Variants in STX18 observed in about 807,000 individuals in gnomAD.
STX18 encodes syntaxin-18.
Under a neutral mutation model 50.1 loss-of-function variants are expected in STX18, and 40 were observed. The ratio of observed to expected loss-of-function variants is 0.80; its 90% CI spans 0.62 to 1.04. The LOEUF is 1.04. Ranked by LOEUF, STX18 falls within the 50% of genes least tolerant of loss-of-function variation. The probability of loss-of-function intolerance (pLI) is 0.00; values close to 1 mark genes in which losing one functional copy is unlikely to be tolerated. For synonymous variants in STX18, 158 were observed against 151.8 expected, an observed-to-expected ratio of 1.04 and a Z score of -0.30; for missense variants, 410 against 415.8, an observed-to-expected ratio of 0.99 and a Z score of 0.12.
At chr4:4,434,643 C>T in intron 7 of STX18, 127 bp downstream of exon 7, 1 of 693,074 alleles carries the variant, frequency 1.4e-6, no homozygotes, top group Non-Finnish European at 2.3e-6. Flanking sequence ...ATATAAAATA[C>T]ACATTTATAA....
intron 1 of STX18, among the ~76,000 whole-genome samples, chr4:4,480,348 C>T (rs1258457804): frequency 6.6e-6 from 1 of 152,158 alleles, no homozygotes; most frequent in Non-Finnish European, 1.5e-5. Flanking sequence ...GCCCAAGGCC[C>T]GCCAGTGCCC....
intron 1 of STX18, among the ~76,000 whole-genome samples, chr4:4,491,737 T>C (rs1251209395): frequency 2.0e-5 from 3 of 152,134 alleles, no homozygotes. Context: ...TTCTAAAGAC[T>C]GAAATGTGCC....
intron 1 of STX18, among the ~76,000 whole-genome samples, chr4:4,525,422 A>G (rs1271814950): frequency 6.6e-6 from 1 of 152,248 alleles, no homozygotes; most frequent in Non-Finnish European, 1.5e-5. Flanking sequence ...ATGGCTTTTA[A>G]AAGATGGAAA....
chr4:4,424,336 G>T (rs2108771396), intron 8 of STX18, among the ~76,000 whole-genome samples: 1 of 152,234 alleles, frequency 6.6e-6, no homozygotes, highest in African/African-American at 2.4e-5. Context: ...TGAGCTCCTG[G>T]CCAGGTGGAA....
intron 1 of STX18, among the ~76,000 whole-genome samples, chr4:4,488,189 T>C (rs112958898): frequency 1.9e-3 from 285 of 152,228 alleles, no homozygotes; most frequent in African/African-American, 6.6e-3. Context: ...AGCAGCATAG[T>C]ATAAAGTTTG....
At chr4:4,541,284 C>T (rs979006509) in intron 1 of STX18, among the ~76,000 whole-genome samples, 1 of 152,154 alleles carries the variant, frequency 6.6e-6, no homozygotes, top group African/African-American at 2.4e-5. Flanking sequence ...CGAAAGATTA[C>T]CCTAAACCCG....
chr4:4,514,779 A>G (rs552027625), intron 1 of STX18, among the ~76,000 whole-genome samples: 174 of 147,212 alleles, frequency 1.2e-3, no homozygotes, highest in African/African-American at 3.8e-3. Flanking sequence ...GGTCTGTGGG[A>G]AAAAAAAAAA....
chr4:4,423,770 C>G lies in STX18; in HGVS notation c.762-183G>C, dbSNP rs867812403. The G allele has an allele frequency of 1.4e-4, 85 of 623,112 alleles. No individual in the cohort carries two copies. In the Middle Eastern group the frequency reaches 2.9e-3, roughly 22 times the overall value. 38.6% of individuals were successfully genotyped at this position (623,112 alleles called of 1,614,324 possible). A position where few individuals can be genotyped will look rare whatever the true frequency, so the allele number is the denominator to read the frequency against. ...GAACTCTCCTTACTGGGTCACCTTC[C>G]CTGTCTTCTGGCATAGCCTAGCACA... On this transcript the variant is annotated intron_variant, in intron 8 of 10. Coordinates refer to ENST00000306200, the MANE Select transcript of STX18 (RefSeq NM_016930.4).
intron 1 of STX18, among the ~76,000 whole-genome samples, chr4:4,518,130 G>A (rs1730365058): frequency 6.6e-6 from 1 of 152,056 alleles, no homozygotes; most frequent in South Asian, 2.1e-4. Context: ...CTAAGGAAGT[G>A]GCTTTAAAAC....
At chr4:4,536,212 A>G (rs748463025) in intron 1 of STX18, among the ~76,000 whole-genome samples, 5 of 152,240 alleles carry the variant, frequency 3.3e-5, no homozygotes, top group African/African-American at 4.8e-5. Context: ...TAGAACTGCA[A>G]TGAGCCTTGG....
intron 6 of STX18, among the ~76,000 whole-genome samples, chr4:4,435,099 C>A (rs759875411): frequency 3.3e-5 from 5 of 152,144 alleles, no homozygotes; most frequent in Non-Finnish European, 7.4e-5. Flanking sequence ...GGGACCTATG[C>A]ACGGTTTCAG....
chr4:4,464,629 C>G (rs1196345806), intron 2 of STX18, among the ~76,000 whole-genome samples: 1 of 152,118 alleles, frequency 6.6e-6, no homozygotes, highest in African/African-American at 2.4e-5. Context: ...CAAAAGCTAC[C>G]TGTTTGCAGT....
intron 9 of STX18, among the ~76,000 whole-genome samples, chr4:4,421,501 C>T (rs151065496): frequency 2.5e-3 from 376 of 152,272 alleles, no homozygotes; most frequent in African/African-American, 8.1e-3. Context: ...ACCATGCTCC[C>T]GCCTCGGCCT....
At position 4,541,844 on chromosome 4, in the gene STX18, G is replaced by A; in HGVS notation, c.121C>T (p.Arg41Trp). 2 of 1,611,264 alleles carry A rather than the reference G, an allele frequency of 1.2e-6. No homozygotes were observed. Among genetic ancestry groups the A allele is most frequent in the Non-Finnish European group, 1.7e-6 (2 of 1,179,212 alleles). The change falls in exon 1 of 11, where the codon CGG becomes TGG. Residue 41 changes from arginine (R) to tryptophan (W), a missense_variant. By Grantham distance (101) the Arg-to-Trp change is moderately radical. Transcript: ENST00000306200. The part of the protein sequence containing the change: ...VDGSRDELFR[R>W]SPRPKGDFSS... ...AAGTCGCCCTTGGGCCGGGGGCTCC[G>A]GCGGAACAGCTCGTCCCGGCTGCCA...
intron 1 of STX18, among the ~76,000 whole-genome samples, chr4:4,497,679 G>A (rs1307993569): frequency 6.6e-6 from 1 of 152,136 alleles, no homozygotes; most frequent in East Asian, 1.9e-4. Flanking sequence ...AGCAGAACTG[G>A]ATTAAAACCC....
At position 4,541,937 on chromosome 4, in the gene STX18, G is replaced by T. The variant is rs764862944; in HGVS notation, c.28C>A (p.Arg10=). The stretch of plus-strand genomic sequence containing the variant: ...GTCTTCACGGTCTTGACGCTGGCCC[G>T]GAATAGCAGCGTGATGTCCACCGCC... The part of the protein sequence containing the change: MAVDITLLF[R]ASVKTVKTRN... The change falls in exon 1 of 11, where the codon CGG becomes AGG. Residue 10 remains arginine, a synonymous_variant. Transcript: ENST00000306200. The T allele has an allele frequency of 1.9e-6, 3 of 1,607,408 alleles. No homozygotes were observed. The highest frequency in any genetic ancestry group is 2.5e-6 in the Non-Finnish European group (3 of 1,177,760).
At chr4:4,474,529 A>G (rs1034212884) in intron 1 of STX18, among the ~76,000 whole-genome samples, 18 of 152,212 alleles carry the variant, frequency 1.2e-4, no homozygotes, top group African/African-American at 3.9e-4. Context: ...GTGTTACATG[A>G]CAACAGGGCA....
At chr4:4,527,732 C>T (rs1730836485) in intron 1 of STX18, among the ~76,000 whole-genome samples, 1 of 136,008 alleles carries the variant, frequency 7.4e-6, no homozygotes, top group African/African-American at 2.6e-5. Flanking sequence ...TGACTTTTCC[C>T]ACTGTAATGC....
Position 4,484,038 on chromosome 4 carries a change from A to G in STX18, c.169-12332T>C, listed in dbSNP as rs193199559. ...CACCATGCCCAGCTAATTTTTTTGT[A>G]TTTTTAGTAGAGATGGGGTTTCACC... On this transcript the variant is annotated intron_variant, in intron 1 of 10. Transcript: ENST00000306200. Among the ~76,000 whole-genome samples the G allele has an allele frequency of 1.7e-3, 251 of 151,818 alleles. 3 individuals carry two copies. Among genetic ancestry groups the G allele is most frequent in the Admixed American group, 3.7e-3 (56 of 15,258 alleles).
Sources: allele counts gnomAD v4.1 joint callset (sites outside exome capture counted in the v4.1 genomes callset), GRCh38; gene constraint gnomAD v4.1.1; transcripts MANE v1.5; gene names NCBI Gene and HGNC (gene_info 2026-07-23, HGNC 2026-07-21).